The following DYNC1H1 variants were observed in gnomAD, a reference collection of about 807,000 sequenced individuals.
DYNC1H1 encodes the protein cytoplasmic dynein 1 heavy chain 1.
A neutral mutation model predicts 527.1 loss-of-function variants in DYNC1H1; 51 were observed. The observed-to-expected ratio is 0.10, with a 90% CI of 0.08 to 0.12. The LOEUF (loss-of-function observed/expected upper bound fraction) is 0.12, where lower values mean the gene tolerates loss of function less well. Ranked by LOEUF, DYNC1H1 falls within the 10% of genes least tolerant of loss-of-function variation. The pLI, the probability that DYNC1H1 is intolerant of heterozygous loss-of-function variation, is 1.00. For missense variants in DYNC1H1, 2,771 were observed against 5,971.8 expected (o/e 0.46, Z 17.66); for synonymous variants, 2,189 against 2,278.8 (o/e 0.96, Z 1.12).
intron 5 of DYNC1H1, among the ~76,000 whole-genome samples, 198 bp from the exon 6 acceptor site, chr14:101,982,821 C>T (rs2047884122): frequency 6.6e-6 from 1 of 152,088 alleles, no homozygotes. Flanking sequence ...TAGGAATTGA[C>T]TCATACTCTT....
chr14:102,011,784 C>A lies in DYNC1H1; in HGVS notation c.6619-91C>A. The A allele has an allele frequency of 1.5e-6, 2 of 1,364,762 alleles. No homozygotes were observed. Among genetic ancestry groups the A allele is most frequent in the Non-Finnish European group, 2.1e-6 (2 of 959,374 alleles). 84.5% of individuals were successfully genotyped at this position (1,364,762 alleles called of 1,614,324 possible). A position where few individuals can be genotyped will look rare whatever the true frequency, so the allele number is the denominator to read the frequency against. ...AAAAAAAAATCCACACATAATGTTT[C>A]TTGCTCACTTTCACAAGAGGTGGCT... On this transcript the variant is annotated intron_variant, in intron 32 of 77. Coordinates refer to ENST00000360184, the MANE Select transcript of DYNC1H1 (RefSeq NM_001376.5). This position sits in a 1 kb window ranked among gnomAD's most constrained non-coding sequence, Gnocchi z 5.3.
chr14:102,038,076 G>T lies in DYNC1H1; in HGVS notation c.10909-384G>T, dbSNP rs2048599005. The T allele has an allele frequency of 5.7e-6, 2 of 349,046 alleles. No homozygotes were observed. The highest frequency in any genetic ancestry group is 2.1e-5 in the African/African-American group (1 of 46,878). The allele number at this position is 349,046 out of a possible 1,614,324, so 21.6% of individuals were successfully genotyped here. A position where few individuals can be genotyped will look rare whatever the true frequency, so the allele number is the denominator to read the frequency against. On this transcript the variant is annotated intron_variant, in intron 57 of 77. Coordinates refer to ENST00000360184, the MANE Select transcript of DYNC1H1 (RefSeq NM_001376.5). This position sits in a 1 kb window ranked among gnomAD's most constrained non-coding sequence, Gnocchi z 7.2. ...CTGTCCCCCAGTCTGAACCTCCCAG[G>T]TTCAAGCAATTCTGTCTCAGCCTCC...
At chr14:101,994,053 G>A in intron 11 of DYNC1H1, 131 bp from the exon 12 acceptor site, 2 of 1,295,688 alleles carry the variant, frequency 1.5e-6, no homozygotes, top group Non-Finnish European at 1.1e-6. Flanking sequence ...CAGGGTAAGT[G>A]GATGTTATCC....
In DYNC1H1 at chr14:101,970,435, T is replaced by C. The variant is rs117186375; in HGVS notation, c.257-5277T>C. 5.5e-3 allele frequency among the ~76,000 whole-genome samples: 815 copies of C among 148,338 alleles called. 18 individuals carry two copies. Among genetic ancestry groups the C allele is most frequent in the East Asian group, 0.037 (186 of 5,030 alleles). The stretch of plus-strand genomic sequence containing the variant: ...GTATAATAGTGATTGACCACCAGAA[T>C]AATAATAATGTGGTATTAGTATGTT... On this transcript the variant is annotated intron_variant, in intron 1 of 77. Coordinates refer to ENST00000360184, the MANE Select transcript of DYNC1H1 (RefSeq NM_001376.5).
chr14:102,048,007 G>A lies in DYNC1H1; in HGVS notation c.13197G>A (p.Lys4399=). 6.2e-7 allele frequency: 1 copy of A among 1,611,696 alleles called. No homozygotes were observed. Among genetic ancestry groups the A allele is most frequent in the Non-Finnish European group, 8.5e-7 (1 of 1,179,904 alleles). Reference sequence around the variant, plus strand: ...TCCCCCAGACGCTGAGCCACCTCAAGCGCACCGTGGAGAATATCAAGGTAG... The same window carrying A: ...TCCCCCAGACGCTGAGCCACCTCAAACGCACCGTGGAGAATATCAAGGTAG... ...HLIPQTLSHL[K]RTVENIKDPL... The change falls in exon 73 of 78, where the codon AAG becomes AAA. Residue 4399 remains lysine (K), a synonymous_variant. Transcript: ENST00000360184.
rs2152581684 is a variant in DYNC1H1, at chr14:102,015,427, T to C, written c.7242+95T>C. The C allele has an allele frequency of 5.0e-6, 7 of 1,402,700 alleles. No homozygotes were observed. Among genetic ancestry groups the C allele is most frequent in the Non-Finnish European group, 4.8e-6 (5 of 1,033,772 alleles). The allele number at this position is 1,402,700 out of a possible 1,614,324, so 86.9% of individuals were successfully genotyped here. Reference sequence around the variant, plus strand: ...GTTGCCCACGCTGGTCTTGAACTCCTGGGCCCAAGCAATCCACCTGCCTTG... The same window carrying C: ...GTTGCCCACGCTGGTCTTGAACTCCCGGGCCCAAGCAATCCACCTGCCTTG... On this transcript the variant is annotated intron_variant, in intron 35 of 77. Coordinates refer to ENST00000360184, the MANE Select transcript of DYNC1H1 (RefSeq NM_001376.5). The surrounding 1 kb of genome is among the most constrained non-coding windows in gnomAD (Gnocchi z 6.9).
At position 101,986,430 on chromosome 14, in the gene DYNC1H1, G is replaced by T. The variant is rs1230024384; in HGVS notation, c.2205G>T (p.Leu735=). The stretch of plus-strand genomic sequence containing the variant: ...GCCGAACTGGAAATGTGCTTAAGCT[G>T]AAAGTTAACTTTCTTCCTGAGATTA... ...VRGRTGNVLK[L]KVNFLPEIIT... Residue 735 remains leucine, a synonymous_variant, in exon 8 of 78, where the codon CTG becomes CTT. Coordinates refer to ENST00000360184, the MANE Select transcript of DYNC1H1 (RefSeq NM_001376.5). This position sits in a 1 kb window ranked among gnomAD's most constrained non-coding sequence, Gnocchi z 8.7. 1.2e-6 allele frequency: 2 copies of T among 1,614,050 alleles called. No individual in the cohort carries two copies. The highest frequency in any genetic ancestry group is 2.7e-5 in the African/African-American group (2 of 74,910).
At position 102,012,988 on chromosome 14, in the gene DYNC1H1, G is replaced by A. The variant is rs768257605; in HGVS notation, c.7014+518G>A. 21 of 183,064 alleles carry A rather than the reference G, an allele frequency of 1.1e-4. No individual in the cohort carries two copies. Among genetic ancestry groups the A allele is most frequent in the African/African-American group, 3.8e-4 (16 of 42,228 alleles). 11.3% of individuals were successfully genotyped at this position (183,064 alleles called of 1,614,324 possible). Reference sequence around the variant, plus strand: ...AGACAGGCCGGGCGCGGTGGCTCACGCCTGTAATCCCAGCACTTTGGGAGG... The same window carrying A: ...AGACAGGCCGGGCGCGGTGGCTCACACCTGTAATCCCAGCACTTTGGGAGG... On this transcript the variant is annotated intron_variant, in intron 34 of 77. Transcript: ENST00000360184. The surrounding 1 kb of genome is among the most constrained non-coding windows in gnomAD (Gnocchi z 4.9).
Position 102,049,954 on chromosome 14 carries a change from A to T in DYNC1H1, c.13684+72A>T. 6.6e-7 allele frequency: 1 copy of T among 1,512,432 alleles called. No individual in the cohort carries two copies. The highest frequency in any genetic ancestry group is 8.8e-7 in the Non-Finnish European group (1 of 1,132,134). 93.7% of individuals were successfully genotyped at this position (1,512,432 alleles called of 1,614,324 possible). A position where few individuals can be genotyped will look rare whatever the true frequency, so the allele number is the denominator to read the frequency against. On this transcript the variant is annotated intron_variant, in intron 76 of 77. Transcript: ENST00000360184. This position sits in a 1 kb window ranked among gnomAD's most constrained non-coding sequence, Gnocchi z 5.5. ...GGTGGCCTGAGACCATTGTTCCCAG[A>T]TACATGCACTTAGGGTGACCGGCTG...
chr14:102,021,350 C>A (rs1336771485), intron 42 of DYNC1H1, among the ~76,000 whole-genome samples: 1 of 152,204 alleles, frequency 6.6e-6, no homozygotes, highest in Non-Finnish European at 1.5e-5. Flanking sequence ...GCATTCCAGC[C>A]TGAGTGACAG....
At chr14:101,984,442 TA>T (rs1202725420) in intron 7 of DYNC1H1, among the ~76,000 whole-genome samples, 213 of 131,028 alleles carry the variant, frequency 1.6e-3, no homozygotes, top group Non-Finnish European at 2.7e-3. Flanking sequence ...TATATATATA[TA>T]TATTATATTT....
Position 102,039,591 on chromosome 14 carries a change from G to C in DYNC1H1, c.11595+45G>C. On this transcript the variant is annotated intron_variant, in intron 61 of 77. Coordinates refer to ENST00000360184, the MANE Select transcript of DYNC1H1 (RefSeq NM_001376.5). This position sits in a 1 kb window ranked among gnomAD's most constrained non-coding sequence, Gnocchi z 7.0. ...CGCTCCCTGGCGGGGGGGAAGCAGG[G>C]TGCTGCTTCTCTTATGGAACAACAT... is the stretch of plus-strand genomic sequence containing the variant. 6.2e-7 allele frequency: 1 copy of C among 1,614,206 alleles called. No homozygotes were observed.
chr14:102,049,245 T>C lies in DYNC1H1; in HGVS notation c.13373-195T>C. 1.4e-6 allele frequency: 1 copy of C among 720,076 alleles called. No homozygotes were observed. The highest frequency in any genetic ancestry group is 2.4e-6 in the Non-Finnish European group (1 of 421,994). The allele number at this position is 720,076 out of a possible 1,614,324, so 44.6% of individuals were successfully genotyped here. ...AACTGCACGGTTCTGAGACATGCTC[T>C]GGACCAGCCTGAGCTAGAGCAGATG... is the stretch of plus-strand genomic sequence containing the variant. On this transcript the variant is annotated intron_variant, in intron 74 of 77. Transcript: ENST00000360184. This position sits in a 1 kb window ranked among gnomAD's most constrained non-coding sequence, Gnocchi z 5.5.
At position 102,016,172 on chromosome 14, in the gene DYNC1H1, A is replaced by G. The variant is rs2048319873; in HGVS notation, c.7473+86A>G. The G allele has an allele frequency of 6.6e-7, 1 of 1,522,680 alleles. No individual in the cohort carries two copies. The highest frequency in any genetic ancestry group is 2.0e-5 in the Admixed American group (1 of 51,176). The allele number at this position is 1,522,680 out of a possible 1,614,324, so 94.3% of individuals were successfully genotyped here. On this transcript the variant is annotated intron_variant, in intron 36 of 77. Transcript: ENST00000360184. The surrounding 1 kb of genome is among the most constrained non-coding windows in gnomAD (Gnocchi z 7.3). Reference sequence around the variant, plus strand: ...CCTCTGAAATGCTGCACCTGTGGGGATGTGCGCTCTCTCCTAGGCGAGGCA... The same window carrying G: ...CCTCTGAAATGCTGCACCTGTGGGGGTGTGCGCTCTCTCCTAGGCGAGGCA...
rs756127453 is a variant in DYNC1H1, at chr14:102,042,133, G to C, written c.12214+9G>C. ...CACTTCAATTGCAATCGGTAAGGAT[G>C]CTTGAGGGGCTTCATGGGCTGGAGC... is the stretch of plus-strand genomic sequence containing the variant. On this transcript the variant is annotated intron_variant, in intron 66 of 77. Transcript: ENST00000360184. This position sits in a 1 kb window ranked among gnomAD's most constrained non-coding sequence, Gnocchi z 5.7. The C allele has an allele frequency of 6.2e-7, 1 of 1,614,116 alleles. No homozygotes were observed. Among genetic ancestry groups the C allele is most frequent in the Non-Finnish European group, 8.5e-7 (1 of 1,180,032 alleles).
rs927181915 is a variant in DYNC1H1, at chr14:102,015,863, G to A, written c.7250G>A (p.Arg2417Lys). The A allele has an allele frequency of 6.2e-7, 1 of 1,614,176 alleles. No homozygotes were observed. The highest frequency in any genetic ancestry group is 1.3e-5 in the African/African-American group (1 of 75,064). Residue 2417 changes from arginine to lysine, a missense_variant, in exon 36 of 78, where the codon AGA (arginine) becomes AAA (lysine). Around this residue, in one of 32 missense-constraint regions of DYNC1H1, gnomAD observed 122 missense variants for 168.4 expected, o/e 0.72. Transcript: ENST00000360184. The surrounding 1 kb of genome is among the most constrained non-coding windows in gnomAD (Gnocchi z 6.9). ...ACTCCTTCCACTTTCTAGATCCAAA[G>A]AGATGCAGCTACGATCATGCAACCG... ...EAASPMLQIQRDAATIMQPYF... is the reference protein window; with the variant it reads ...EAASPMLQIQKDAATIMQPYF...
At chr14:102,026,518 G>A in intron 43 of DYNC1H1, 56 bp from the exon 44 acceptor site, 1 of 1,602,794 alleles carries the variant, frequency 6.2e-7, no homozygotes, top group Non-Finnish European at 8.5e-7. Context: ...GTTGACTTTG[G>A]TCTAATAACT....
chr14:101,997,113 G>A lies in DYNC1H1; in HGVS notation c.3643G>A (p.Glu1215Lys). Residue 1215 changes from glutamate (E) to lysine (K), a missense_variant, in exon 16 of 78, where the codon GAG becomes AAG. Physicochemically the swap from Glu to Lys is moderately conservative, Grantham distance 56 (BLOSUM62 1). Around this residue, in one of 32 missense-constraint regions of DYNC1H1, gnomAD observed 223 missense variants for 462.5 expected, o/e 0.48. Transcript: ENST00000360184. The surrounding 1 kb of genome is among the most constrained non-coding windows in gnomAD (Gnocchi z 4.8). ...TTCCTGGCTTTATATTGACAACATC[G>A]AGGGAGAGTGGGGAGCCTTCAATGA... Reference protein sequence around the residue: ...PPSWLYIDNIEGEWGAFNDIM... With the variant: ...PPSWLYIDNIKGEWGAFNDIM... The A allele has an allele frequency of 4.3e-6, 7 of 1,614,176 alleles. No individual in the cohort carries two copies. The highest frequency in any genetic ancestry group is 5.9e-6 in the Non-Finnish European group (7 of 1,180,046).
Position 101,977,048 on chromosome 14 carries a change from A to G in DYNC1H1, c.344+1249A>G, listed in dbSNP as rs886137256. Among the ~76,000 whole-genome samples the G allele has an allele frequency of 2.6e-5, 4 of 152,342 alleles. No individual in the cohort carries two copies. In the South Asian group the frequency reaches 6.2e-4, roughly 24 times the overall value. ...GTGTTCCAGGGGAGTCCTGGAATCAATTTCCCACAGATACCAAGGGACAAC... is the reference window on the plus strand; with the variant it reads ...GTGTTCCAGGGGAGTCCTGGAATCAGTTTCCCACAGATACCAAGGGACAAC... On this transcript the variant is annotated intron_variant, in intron 2 of 77. Coordinates refer to ENST00000360184, the MANE Select transcript of DYNC1H1 (RefSeq NM_001376.5).
Sources: allele counts gnomAD v4.1 joint callset (sites outside exome capture counted in the v4.1 genomes callset), GRCh38; gene constraint gnomAD v4.1.1; regional missense constraint gnomAD v4.1.1; non-coding constraint Gnocchi (gnomAD v3.1); transcripts MANE v1.5; gene names NCBI Gene and HGNC (gene_info 2026-07-23, HGNC 2026-07-21).